Variants in DDX3X observed in about 807,000 individuals in gnomAD.
DDX3X encodes the protein ATP-dependent RNA helicase DDX3X.
Under a neutral mutation model 52.7 loss-of-function variants are expected in DDX3X, and 4 were observed. The observed-to-expected ratio is 0.08, with a 90% CI of 0.04 to 0.17. The LOEUF (loss-of-function observed/expected upper bound fraction) is 0.17. DDX3X is among the 10% of genes least tolerant of loss of function. The probability of loss-of-function intolerance (pLI) is 1.00; values close to 1 mark genes in which losing one functional copy is unlikely to be tolerated. For synonymous variants in DDX3X, 192 were observed against 178.1 expected (o/e 1.08, Z -0.62); for missense variants, 222 against 548.6 (o/e 0.40, Z 5.95).
At chrX:41,334,512 C>T in intron 1 of DDX3X, 1 of 1,094,653 alleles carries the variant, frequency 9.1e-7, no homozygotes, top group Non-Finnish European at 1.2e-6. Context: ...GTCCCCGGGA[C>T]GAGCACAATG....
At chrX:41,338,077 T>C (rs1394389936) in intron 2 of DDX3X, 1 of 111,703 alleles carries the variant, frequency 9.0e-6, no homozygotes, top group Non-Finnish European at 1.9e-5. Context: ...GTCATTTCTT[T>C]TAAAAAGGCA....
intron 5 of DDX3X, chrX:41,358,120 C>T (rs1464315246): frequency 4.2e-6 from 1 of 236,519 alleles, no homozygotes; most frequent in African/African-American, 3.7e-5. Context: ...TATTGTTGCC[C>T]AGGCTGGAGT....
At chrX:41,359,596 C>CAAA (rs397895766) in intron 5 of DDX3X, among the ~76,000 whole-genome samples, 2 of 52,535 alleles carry the variant, frequency 3.8e-5, no homozygotes, top group African/African-American at 7.2e-5. Flanking sequence ...GATTCCATCT[C>CAAA]AAAAAAAAAA....
intron 5 of DDX3X, chrX:41,357,956 A>G (rs2064015464): frequency 3.4e-6 from 1 of 290,626 alleles, no homozygotes; most frequent in Admixed American, 6.4e-5. Flanking sequence ...GAGACCGACC[A>G]ACCCTCCTGA....
At chrX:41,345,152 A>G (rs2063907084) in intron 10 of DDX3X, 28 bp from the exon 11 acceptor site, 2 of 1,200,882 alleles carry the variant, frequency 1.7e-6, no homozygotes, top group Non-Finnish European at 2.3e-6. Context: ...TTCTAAACTC[A>G]GGCTTGTTTT....
At chrX:41,336,719 A>C (rs1392528490) in intron 1 of DDX3X, 1 of 112,064 alleles carries the variant, frequency 8.9e-6, no homozygotes, top group South Asian at 3.7e-4. Context: ...AGCCTGGATG[A>C]CAGAGGGAGA....
At chrX:41,346,822 G>C in intron 14 of DDX3X, 37 bp from the exon 15 acceptor site, 1 of 1,145,528 alleles carries the variant, frequency 8.7e-7, no homozygotes, top group Non-Finnish European at 1.2e-6. Context: ...CTTTATGGAA[G>C]ACCTTTGTTT....
chrX:41,354,822 TTTGTTG>T (rs200807872), downstream of DDX3X, among the ~76,000 whole-genome samples: 219 of 104,897 alleles, frequency 2.1e-3, 1 homozygote, highest in African/African-American at 7.0e-3. Flanking sequence ...TGTAAATAGT[TTTGTTG>T]TTGTTGTTGT....
intron 5 of DDX3X, among the ~76,000 whole-genome samples, chrX:41,357,049 T>G (rs937533644): frequency 9.6e-6 from 1 of 104,629 alleles, no homozygotes; most frequent in African/African-American, 3.5e-5. Context: ...TTCTCCTGCC[T>G]CAGCCTCCCA....
rs752354649 is a variant in DDX3X at position 41,337,463 on chromosome X, G to A, written c.101G>A (p.Ser34Asn). The A allele has an allele frequency of 2.5e-6, 3 of 1,198,033 alleles. No homozygotes were observed. The highest frequency in any genetic ancestry group is 3.4e-6 in the Non-Finnish European group (3 of 883,944). The change falls in exon 2 of 17, where the codon AGC (serine) becomes AAC (asparagine). Residue 34 changes from serine to asparagine, a missense_variant and splice_region_variant. By Grantham distance (46) the Ser-to-Asn change is conservative. Around this residue, in one of 5 missense-constraint regions of DDX3X, gnomAD observed 93 missense variants for 123.7 expected, o/e 0.75. Transcript: ENST00000644876. Reference protein sequence around the residue: ...SDNQSGGSTASKGRYIPPHLR... With the variant: ...SDNQSGGSTANKGRYIPPHLR... ...AATCAGAGTGGAGGAAGTACAGCCA[G>A]CAGTAAGTACAACATCTTGTGGGTT...
rs776441843 is a variant in DDX3X, at chrX:41,334,599, G to C, written c.45+302G>C. On this transcript the variant is annotated intron_variant, in intron 1 of 16. Transcript: ENST00000644876. Reference sequence around the variant, plus strand: ...CGCTCTCGCGGGGACGCGCATGCGCGAATCCCGACTGATTAGTGACCTGGG... The same window carrying C: ...CGCTCTCGCGGGGACGCGCATGCGCCAATCCCGACTGATTAGTGACCTGGG... 15 of 1,083,273 alleles carry C rather than the reference G, an allele frequency of 1.4e-5. No homozygotes were observed. In the South Asian group the frequency reaches 3.0e-4, roughly 21 times the overall value. 89.3% of individuals were successfully genotyped at this position (1,083,273 alleles called of 1,213,427 possible). A position where few individuals can be genotyped will look rare whatever the true frequency, so the allele number is the denominator to read the frequency against.
chrX:41,357,266 C>T (rs778525384), intron 5 of DDX3X, among the ~76,000 whole-genome samples: 11 of 109,840 alleles, frequency 1.0e-4, no homozygotes, highest in African/African-American at 3.3e-4. Context: ...TAAGTCTTAA[C>T]GTTGGGTAGG....
chrX:41,334,527 C>T, intron 1 of DDX3X: 8 of 1,096,045 alleles, frequency 7.3e-6, no homozygotes, highest in Non-Finnish European at 9.5e-6. Context: ...ACAATGGCGG[C>T]TTTTGTGTGT....
chrX:41,346,458 T>C, intron 13 of DDX3X, 47 bp from the exon 14 acceptor site: 1 of 1,191,165 alleles, frequency 8.4e-7, no homozygotes, highest in Non-Finnish European at 1.1e-6. Flanking sequence ...TGTTCAAGTA[T>C]TTGTTTTCTT....
At chrX:41,357,846 T>C (rs2064015069) in intron 5 of DDX3X, 2 of 294,938 alleles carry the variant, frequency 6.8e-6, no homozygotes, top group South Asian at 2.1e-4. Flanking sequence ...CATGCTCCTC[T>C]GTGGAGCAAG....
chrX:41,338,135 G>C (rs951601783), intron 2 of DDX3X: 4 of 110,291 alleles, frequency 3.6e-5, no homozygotes, highest in Non-Finnish European at 7.6e-5. Flanking sequence ...TTAGAGACTT[G>C]TTAGAGGTTA....
rs2063965654 is a variant in DDX3X, at chrX:41,349,656, C to T, written c.*1937C>T. 1 of 112,010 alleles carries T rather than the reference C, an allele frequency of 8.9e-6. No homozygotes were observed. The highest frequency in any genetic ancestry group is 1.9e-5 in the Non-Finnish European group (1 of 53,186). The allele number at this position is 112,010 out of a possible 1,213,427, so 9.2% of individuals were successfully genotyped here. A position where few individuals can be genotyped will look rare whatever the true frequency, so the allele number is the denominator to read the frequency against. ...ACCGTATGCGTGAAATTATATATTT[C>T]GGGGTAGTGTGAGCTTTTAATGTTT... On this transcript the variant is annotated 3_prime_UTR_variant, in exon 17 of 17. Transcript: ENST00000644876.
chrX:41,344,232 C>A lies in DDX3X; in HGVS notation c.865-7C>A, dbSNP rs1265261103. Reference sequence around the variant, plus strand: ...CTTGAAGTTCATAACATTTTTTTTGCTTATAGTTTTCATACCGATCTAGAG... The same window carrying A: ...CTTGAAGTTCATAACATTTTTTTTGATTATAGTTTTCATACCGATCTAGAG... On this transcript the variant is annotated splice_region_variant and splice_polypyrimidine_tract_variant and intron_variant, in intron 9 of 16. Transcript: ENST00000644876. The A allele has an allele frequency of 8.3e-7, 1 of 1,200,223 alleles. No homozygotes were observed. Among genetic ancestry groups the A allele is most frequent in the African/African-American group, 1.8e-5 (1 of 56,217 alleles).
chrX:41,333,807 G>A (rs2063712126), upstream of DDX3X: 1 of 126,824 alleles, frequency 7.9e-6, no homozygotes, highest in Admixed American at 8.9e-5. Context: ...GGGGGGCGAA[G>A]AGGCCTAGGT....
Sources: allele counts gnomAD v4.1 joint callset (sites outside exome capture counted in the v4.1 genomes callset), GRCh38; gene constraint gnomAD v4.1.1; regional missense constraint gnomAD v4.1.1; transcripts MANE v1.5; gene names NCBI Gene and HGNC (gene_info 2026-07-23, HGNC 2026-07-21).